MYO3B: variants seen among roughly 807,000 people sequenced by gnomAD.
MYO3B encodes myosin-IIIb.
MYO3B carries 156 observed loss-of-function variants against 174.6 expected under a neutral mutation model. The ratio of observed to expected loss-of-function variants is 0.89; its 90% CI spans 0.78 to 1.02. The LOEUF (loss-of-function observed/expected upper bound fraction) is 1.02, where lower values mean the gene tolerates loss of function less well. Among genes scored for constraint, MYO3B ranks in the 50% least tolerant of loss-of-function variants. MYO3B has a pLI of 0.00. For missense variants in MYO3B, 1,632 were observed against 1,639.4 expected, an observed-to-expected ratio of 1.00 and a Z score of 0.08; for synonymous variants, 563 against 569.1, an observed-to-expected ratio of 0.99 and a Z score of 0.15.
chr2:170,647,707 A>C lies in MYO3B; in HGVS notation c.3734-3921A>C, dbSNP rs139565683. ...TTTTTAAGTAATGGGAGAAATATTAAAATTAAGAACATTCTATCCAATAAC... is the reference window on the plus strand; with the variant it reads ...TTTTTAAGTAATGGGAGAAATATTACAATTAAGAACATTCTATCCAATAAC... On this transcript the variant is annotated intron_variant, in intron 32 of 34. Coordinates refer to ENST00000408978, the MANE Select transcript of MYO3B (RefSeq NM_138995.5). 5.1e-3 allele frequency among the ~76,000 whole-genome samples: 772 copies of C among 152,340 alleles called. 5 individuals carry two copies. The highest frequency in any genetic ancestry group is 0.018 in the African/African-American group (735 of 41,568).
intron 14 of MYO3B, among the ~76,000 whole-genome samples, chr2:170,388,613 T>C (rs947057044): frequency 6.6e-6 from 1 of 152,132 alleles, no homozygotes; most frequent in Non-Finnish European, 1.5e-5. Flanking sequence ...CATTTTGAGA[T>C]GATCACGCTA....
intron 32 of MYO3B, among the ~76,000 whole-genome samples, chr2:170,577,103 A>G (rs1692833017): frequency 8.3e-6 from 1 of 120,284 alleles, no homozygotes; most frequent in African/African-American, 2.8e-5. Context: ...ATTCAGTGGA[A>G]CCATTGTTGC....
chr2:170,400,655 C>CT (rs1056295734), intron 17 of MYO3B, among the ~76,000 whole-genome samples: 2 of 133,518 alleles, frequency 1.5e-5, no homozygotes, highest in East Asian at 2.0e-4. Flanking sequence ...CACCCCCCCC[C>CT]CCTCGGCCTC....
At chr2:170,540,323 C>CA (rs201275377) in intron 30 of MYO3B, among the ~76,000 whole-genome samples, 58 of 146,544 alleles carry the variant, frequency 4.0e-4, no homozygotes, top group South Asian at 8.6e-4. Flanking sequence ...GATTCTATCT[C>CA]AAAAAAAAAA....
intron 22 of MYO3B, among the ~76,000 whole-genome samples, chr2:170,419,665 A>G (rs1362438379): frequency 6.6e-6 from 1 of 152,108 alleles, no homozygotes; most frequent in Non-Finnish European, 1.5e-5. Context: ...TATAAAGCCC[A>G]AGGACTACTG....
chr2:170,181,114 T>C (rs2092393607), intron 1 of MYO3B, among the ~76,000 whole-genome samples: 1 of 152,184 alleles, frequency 6.6e-6, no homozygotes, highest in South Asian at 2.1e-4. Flanking sequence ...TCAAGTTTAA[T>C]AGAGTTTTAG....
chr2:170,186,250 T>G (rs1273698609), intron 1 of MYO3B, among the ~76,000 whole-genome samples: 1 of 152,192 alleles, frequency 6.6e-6, no homozygotes, highest in South Asian at 2.1e-4. Context: ...CCATTCAGTA[T>G]GTGGGTCTGT....
chr2:170,543,066 A>T lies in MYO3B; in HGVS notation c.3636+100A>T, dbSNP rs570066925. On this transcript the variant is annotated intron_variant, in intron 31 of 34. Transcript: ENST00000408978. Reference sequence around the variant, plus strand: ...TTGTCTGCGGCTGCGTGGTTGGACCATCCAAACTTGAAACTGTTAGTGATA... The same window carrying T: ...TTGTCTGCGGCTGCGTGGTTGGACCTTCCAAACTTGAAACTGTTAGTGATA... 12 of 922,970 alleles carry T rather than the reference A, an allele frequency of 1.3e-5. 1 individual carries two copies. In the South Asian group the frequency reaches 2.0e-4, roughly 16 times the overall value. The allele number at this position is 922,970 out of a possible 1,614,324, so 57.2% of individuals were successfully genotyped here.
chr2:170,544,075 T>C (rs1165540836), intron 32 of MYO3B, 87 bp downstream of exon 32: 1 of 1,026,976 alleles, frequency 9.7e-7, no homozygotes, highest in Non-Finnish European at 1.5e-6. Context: ...AGGACTCAAT[T>C]AGATAGTAAT....
At chr2:170,334,274 CA>C (rs1168261616) in intron 7 of MYO3B, 10 of 152,146 alleles carry the variant, frequency 6.6e-5, no homozygotes, top group Admixed American at 2.0e-4. Flanking sequence ...GTAAGGAACT[CA>C]AGAAATTGTA....
chr2:170,439,053 T>C (rs150824899), intron 22 of MYO3B, among the ~76,000 whole-genome samples: 2,267 of 151,374 alleles, frequency 0.015, 22 homozygotes, highest in Non-Finnish European at 0.026. Context: ...GCGATATGTG[T>C]AGTCAAGTCC....
intron 25 of MYO3B, among the ~76,000 whole-genome samples, chr2:170,484,779 T>C (rs1307736920): frequency 6.6e-6 from 1 of 152,112 alleles, no homozygotes; most frequent in Non-Finnish European, 1.5e-5. Flanking sequence ...GTCTCTTTAC[T>C]CAAGGCCAAA....
At chr2:170,639,674 T>A (rs541147748) in intron 32 of MYO3B, among the ~76,000 whole-genome samples, 1 of 152,334 alleles carries the variant, frequency 6.6e-6, no homozygotes, top group South Asian at 2.1e-4. Context: ...GATCCAATCC[T>A]CCTGAGACCG....
intron 32 of MYO3B, among the ~76,000 whole-genome samples, chr2:170,639,471 C>T (rs1284536236): frequency 2.6e-5 from 4 of 152,210 alleles, no homozygotes; most frequent in Admixed American, 1.3e-4. Flanking sequence ...CGTGAAAGTA[C>T]GTGGTGGATG....
At chr2:170,226,263 A>T (rs2092950964) in intron 6 of MYO3B, among the ~76,000 whole-genome samples, 1 of 152,226 alleles carries the variant, frequency 6.6e-6, no homozygotes, top group Admixed American at 6.5e-5. Flanking sequence ...TTAGAACTTC[A>T]GATCATTGGC....
intron 30 of MYO3B, among the ~76,000 whole-genome samples, chr2:170,532,673 A>G (rs10171226): frequency 0.049 from 7,474 of 152,078 alleles, 376 homozygotes; most frequent in African/African-American, 0.12. Context: ...AAAATTAGTC[A>G]GGCATGGTGG....
At chr2:170,540,817 AG>A (rs1453177995) in intron 30 of MYO3B, among the ~76,000 whole-genome samples, 85 of 152,328 alleles carry the variant, frequency 5.6e-4, no homozygotes, top group African/African-American at 2.0e-3. Flanking sequence ...ACAGAGGAGA[AG>A]GGTCCATTGT....
At chr2:170,601,439 A>G (rs549836958) in intron 32 of MYO3B, among the ~76,000 whole-genome samples, 39 of 152,362 alleles carry the variant, frequency 2.6e-4, no homozygotes, top group African/African-American at 8.7e-4. Flanking sequence ...GGACAGGGCT[A>G]TCTAAAGACA....
chr2:170,493,510 A>G (rs949368712), intron 25 of MYO3B, among the ~76,000 whole-genome samples: 1 of 152,106 alleles, frequency 6.6e-6, no homozygotes, highest in Non-Finnish European at 1.5e-5. Context: ...TTTTGTTATC[A>G]TTACTAGATA....
Sources: gnomAD v4.1 joint callset for allele counts (sites outside exome capture counted in the v4.1 genomes callset) on GRCh38, gnomAD v4.1.1 for gene constraint, MANE v1.5 for transcripts, NCBI Gene and HGNC (gene_info 2026-07-23, HGNC 2026-07-21) for gene names.